The following TRPM1 variants were observed in gnomAD, a reference collection of about 807,000 sequenced individuals.
TRPM1 encodes the protein TRPM1-203 APA Isoform, Intron 10.
In TRPM1, 113 loss-of-function variants were observed where a neutral mutation model predicts 149.4. That is an observed-to-expected ratio of 0.76 (90% CI 0.65 to 0.88). The LOEUF (loss-of-function observed/expected upper bound fraction) is 0.88, where lower values mean the gene tolerates loss of function less well. Ranked by LOEUF, TRPM1 falls within the 40% of genes least tolerant of loss-of-function variation. The probability of loss-of-function intolerance (pLI) is 0.00; values close to 1 mark genes in which losing one functional copy is unlikely to be tolerated. For missense variants in TRPM1, 1,976 were observed against 2,038.7 expected, an observed-to-expected ratio of 0.97 and a Z score of 0.59; for synonymous variants, 741 against 759.5, an observed-to-expected ratio of 0.98 and a Z score of 0.40.
chr15:31,157,928 G>A (rs746471303), intron 1 of TRPM1, among the ~76,000 whole-genome samples: 1 of 152,132 alleles, frequency 6.6e-6, no homozygotes, highest in Non-Finnish European at 1.5e-5. Flanking sequence ...ACGGTGCAGA[G>A]GGGTGCTGCT....
chr15:31,062,493 C>A (rs1487160929), intron 9 of TRPM1, 86 bp downstream of exon 9: 8 of 1,543,410 alleles, frequency 5.2e-6, no homozygotes, highest in African/African-American at 1.4e-5. Context: ...TATGAATAAC[C>A]CTGTCATGCA....
intron 1 of TRPM1, among the ~76,000 whole-genome samples, chr15:31,149,487 G>A (rs2036264391): frequency 6.6e-6 from 1 of 151,334 alleles, no homozygotes; most frequent in Admixed American, 6.6e-5. Flanking sequence ...TCCTTGGGGT[G>A]CATGGCTGCT....
At chr15:31,042,826 G>A (rs1289358435) in intron 16 of TRPM1, among the ~76,000 whole-genome samples, 3 of 152,186 alleles carry the variant, frequency 2.0e-5, no homozygotes, top group Non-Finnish European at 4.4e-5. Context: ...TTCCTAAAGG[G>A]GTTATGAGAA....
chr15:31,041,939 C>T lies in TRPM1; in HGVS notation c.2087+12G>A, dbSNP rs1236267586. The T allele has an allele frequency of 4.3e-6, 7 of 1,614,020 alleles. No individual in the cohort carries two copies. In the African/African-American group the frequency reaches 8.0e-5, roughly 18 times the overall value. On this transcript the variant is annotated intron_variant, in intron 17 of 27. Transcript: ENST00000256552. Reference sequence around the variant, plus strand: ...ATCTCTCCTGGCCTTTAAATCCCCGCTAGACACTAACTTGGAATTGTTATC... The same window carrying T: ...ATCTCTCCTGGCCTTTAAATCCCCGTTAGACACTAACTTGGAATTGTTATC...
intron 1 of TRPM1, among the ~76,000 whole-genome samples, chr15:31,115,063 T>G (rs1209801283): frequency 6.6e-6 from 1 of 152,200 alleles, no homozygotes; most frequent in Non-Finnish European, 1.5e-5. Context: ...AAGACCAGCC[T>G]GGCCAAAATG....
intron 27 of TRPM1, among the ~76,000 whole-genome samples, chr15:31,009,659 A>G (rs746205528): frequency 6.6e-6 from 1 of 151,648 alleles, no homozygotes. Flanking sequence ...CTCTTCTGGG[A>G]CTCTTATAAT....
At chr15:31,151,245 G>A (rs1473152635) in intron 1 of TRPM1, among the ~76,000 whole-genome samples, 2 of 152,200 alleles carry the variant, frequency 1.3e-5, no homozygotes, top group South Asian at 2.1e-4. Context: ...ACACTCTGGT[G>A]AGGGTTGAAG....
intron 22 of TRPM1, chr15:31,031,403 C>T (rs1166889413): frequency 3.5e-6 from 2 of 577,510 alleles, no homozygotes; most frequent in African/African-American, 3.7e-5. Flanking sequence ...TGCTTCTTCT[C>T]TGTTGTTGCC....
At chr15:31,016,093 A>AG (rs1390781154) in intron 27 of TRPM1, among the ~76,000 whole-genome samples, 1 of 152,240 alleles carries the variant, frequency 6.6e-6, no homozygotes, top group African/African-American at 2.4e-5. Context: ...TGGTGATGTC[A>AG]GGGACCTCAG....
intron 16 of TRPM1, 76 bp from the exon 17 acceptor site, chr15:31,042,319 G>A (rs1278183479): frequency 4.0e-6 from 6 of 1,481,660 alleles, no homozygotes; most frequent in Non-Finnish European, 5.5e-6. Context: ...CCTGGAGAAA[G>A]GGAACCCTTT....
At position 31,063,267 on chromosome 15, in the gene TRPM1, C is replaced by G. The variant is rs2034285212; in HGVS notation, c.816G>C (p.Val272=). 1 of 1,614,168 alleles carries G rather than the reference C, an allele frequency of 6.2e-7. No homozygotes were observed. ...NTRLGQGVPL[V]GLVVEGGPNV... ...TAGGGCCCCCCTCCACCACGAGACCCACGAGGGGCACGCCCTGCCCCAGTC... is the reference window on the plus strand; with the variant it reads ...TAGGGCCCCCCTCCACCACGAGACCGACGAGGGGCACGCCCTGCCCCAGTC... Residue 272 remains valine, a synonymous_variant, in exon 8 of 28, where the codon GTG becomes GTC. Coordinates refer to ENST00000256552, the MANE Select transcript of TRPM1 (RefSeq NM_001252024.2).
rs780166259 is a variant in TRPM1 at position 31,062,602 on chromosome 15, C to G, written c.1066G>C (p.Glu356Gln). ...ACGAGTTCTTTCTTCTTCATGCACT[C>G]CATTATAATTGCAAACAGCTGATGT... ...QSHQLFAIIM[E>Q]CMKKKELVTV... Residue 356 changes from glutamate (E) to glutamine (Q), a missense_variant, in exon 9 of 28, where the codon GAG becomes CAG. Glu to Gln is a conservative substitution (Grantham distance 29). Coordinates refer to ENST00000256552, the MANE Select transcript of TRPM1 (RefSeq NM_001252024.2). 5 of 1,614,128 alleles carry G rather than the reference C, an allele frequency of 3.1e-6. No homozygotes were observed. Among genetic ancestry groups the G allele is most frequent in the Non-Finnish European group, 4.2e-6 (5 of 1,180,018 alleles).
chr15:31,087,549 C>T (rs527254740), intron 1 of TRPM1, among the ~76,000 whole-genome samples: 11 of 152,048 alleles, frequency 7.2e-5, no homozygotes, highest in African/African-American at 1.2e-4. Context: ...CCACCATGCC[C>T]GGCCTCAATA....
chr15:31,109,333 C>CAAAAAAAAAAAAAAAAAAAAA (rs36072024), intron 1 of TRPM1, among the ~76,000 whole-genome samples: 7 of 32,296 alleles, frequency 2.2e-4, no homozygotes, highest in East Asian at 9.8e-4. Flanking sequence ...GACTCTGCCT[C>CAAAAAAAAAAAAAAAAAAAAA]AAAAAAAAAA....
At chr15:31,107,332 C>T (rs1450443230) in intron 1 of TRPM1, among the ~76,000 whole-genome samples, 2 of 152,164 alleles carry the variant, frequency 1.3e-5, no homozygotes, top group East Asian at 1.9e-4. Flanking sequence ...GTTTTAAAAT[C>T]TGTTGGCATC....
At chr15:31,153,304 C>T (rs997232136) in intron 1 of TRPM1, among the ~76,000 whole-genome samples, 1 of 152,146 alleles carries the variant, frequency 6.6e-6, no homozygotes, top group African/African-American at 2.4e-5. Flanking sequence ...TTATTTTAAC[C>T]CAGACACTCC....
chr15:31,062,674 G>A lies in TRPM1; in HGVS notation c.994C>T (p.Leu332Phe), dbSNP rs773912606. The A allele has an allele frequency of 3.7e-5, 59 of 1,613,946 alleles. No individual in the cohort carries two copies. The highest frequency in any genetic ancestry group is 4.8e-5 in the Non-Finnish European group (57 of 1,179,990). Residue 332 changes from leucine to phenylalanine, a missense_variant, in exon 9 of 28, where the codon CTT (leucine) becomes TTT (phenylalanine). Coordinates refer to ENST00000256552, the MANE Select transcript of TRPM1 (RefSeq NM_001252024.2). ...GIINESLREQ[L>F]LVTIQKTFNY... ...AATGTTTTCTGAATGGTAACTAGAA[G>A]CTGCTCCCTGAGGGACTCATTTATT...
Position 31,047,241 on chromosome 15 carries a change from G to A in TRPM1, c.1634C>T (p.Pro545Leu), listed in dbSNP as rs779465703. 17 of 1,614,184 alleles carry A rather than the reference G, an allele frequency of 1.1e-5. No individual in the cohort carries two copies. Among genetic ancestry groups the A allele is most frequent in the Middle Eastern group, 1.6e-4 (1 of 6,062 alleles). ...LVRDVKKSNL[P>L]PDYHISLIDI... ...TATGAGGCTGATGTGGTAATCAGGC[G>A]GAAGGTTGCTCTGTAAAAGAAGTCT... Residue 545 changes from proline (P) to leucine (L), a missense_variant, in exon 15 of 28, where the codon CCG becomes CTG. This residue lies in a region of TRPM1 where 1,332 missense variants were observed against 1,347.1 expected (regional missense o/e 0.99). Transcript: ENST00000256552.
chr15:31,105,433 CTCTGTGTGTGTGTGTGTGTG>C (rs1018005105), upstream of TRPM1, among the ~76,000 whole-genome samples: 18 of 109,752 alleles, frequency 1.6e-4, no homozygotes, highest in Admixed American at 4.8e-4. Flanking sequence ...AGCTGTGTGT[CTCTGTGTGTGTGTGTGTGTG>C]TGTGTGTGTG....
Sources: allele counts gnomAD v4.1 joint callset (sites outside exome capture counted in the v4.1 genomes callset), GRCh38; gene constraint gnomAD v4.1.1; regional missense constraint gnomAD v4.1.1; transcripts MANE v1.5; gene names NCBI Gene and HGNC (gene_info 2026-07-23, HGNC 2026-07-21).